Variants in MAEA observed in about 807,000 individuals in gnomAD.
MAEA encodes the protein macrophage erythroblast attacher, E3 ubiquitin ligase.
In MAEA, 22 loss-of-function variants were observed where a neutral mutation model predicts 46.2. That is an observed-to-expected ratio of 0.48 (90% CI 0.34 to 0.68). The LOEUF (loss-of-function observed/expected upper bound fraction) is 0.68, where lower values mean the gene tolerates loss of function less well. MAEA is among the 30% of genes least tolerant of loss of function. MAEA has a pLI of 0.01. For missense variants in MAEA, 393 were observed against 558.1 expected (o/e 0.70, Z 2.98); for synonymous variants, 246 against 222.6 (o/e 1.11, Z -0.94).
chr4:1,314,172 AC>A lies in MAEA; in HGVS notation c.253-1224del, dbSNP rs201069748. On this transcript the variant is annotated intron_variant, in intron 2 of 8. Coordinates refer to ENST00000303400, the MANE Select transcript of MAEA (RefSeq NM_001017405.3). The stretch of plus-strand genomic sequence containing the variant: ...GCGAAACCCCGTCTCTATTAAAAAT[AC>A]AAAAAAATTAGCCGGGCATGGTGTA... Among the ~76,000 whole-genome samples the A allele has an allele frequency of 6.0e-3, 908 of 151,954 alleles. 10 individuals carry two copies. The highest frequency in any genetic ancestry group is 0.021 in the African/African-American group (871 of 41,408).
chr4:1,311,851 G>C lies in MAEA; in HGVS notation c.70-128G>C. 1.3e-6 allele frequency: 1 copy of C among 791,768 alleles called. No individual in the cohort carries two copies. Among genetic ancestry groups the C allele is most frequent in the East Asian group, 2.7e-5 (1 of 37,536 alleles). The allele number at this position is 791,768 out of a possible 1,614,324, so 49.0% of individuals were successfully genotyped here. ...GTTGAGGTTTAGAGTAGATACTTTT[G>C]AGACCATGAACCTTCTGAGACTTCT... is the stretch of plus-strand genomic sequence containing the variant. On this transcript the variant is annotated intron_variant, in intron 1 of 8. Coordinates refer to ENST00000303400, the MANE Select transcript of MAEA (RefSeq NM_001017405.3). The surrounding 1 kb of genome is among the most constrained non-coding windows in gnomAD (Gnocchi z 4.4).
In MAEA at chr4:1,297,851, C is replaced by T. The variant is rs1031408336; in HGVS notation, c.69+7869C>T. Reference sequence around the variant, plus strand: ...GTATGTCTTGGTCTCATGGCCTGTGCTCTCATCTGGCTGTGGTCAGCCTCT... The same window carrying T: ...GTATGTCTTGGTCTCATGGCCTGTGTTCTCATCTGGCTGTGGTCAGCCTCT... On this transcript the variant is annotated intron_variant, in intron 1 of 8. Transcript: ENST00000303400. 21 of 386,938 alleles carry T rather than the reference C, an allele frequency of 5.4e-5. 1 individual carries two copies. Among genetic ancestry groups the T allele is most frequent in the South Asian group, 3.3e-4 (18 of 54,030 alleles). The allele number at this position is 386,938 out of a possible 1,614,324, so 24.0% of individuals were successfully genotyped here.
At chr4:1,328,398 T>G (rs1448580152) in intron 5 of MAEA, among the ~76,000 whole-genome samples, 1 of 152,194 alleles carries the variant, frequency 6.6e-6, no homozygotes, top group African/African-American at 2.4e-5. Flanking sequence ...TGTCGGCCAG[T>G]TCATGCTCAC....
chr4:1,316,003 G>A (rs1211825044), intron 3 of MAEA, among the ~76,000 whole-genome samples: 1 of 150,666 alleles, frequency 6.6e-6, no homozygotes, highest in Non-Finnish European at 1.5e-5. Flanking sequence ...GCCTTCTGAA[G>A]GCAGGAAGTC....
At chr4:1,300,046 T>C (rs539327367) in intron 1 of MAEA, 2 of 152,258 alleles carry the variant, frequency 1.3e-5, no homozygotes, top group South Asian at 2.1e-4. Flanking sequence ...AATGTAACCA[T>C]TGAGAAAGTC....
At chr4:1,328,774 G>T in intron 5 of MAEA, 1 of 1,134,440 alleles carries the variant, frequency 8.8e-7, no homozygotes. Flanking sequence ...GAGAGGCCCG[G>T]GGTCCTGCTC....
Position 1,301,341 on chromosome 4 carries a change from C to T in MAEA, c.70-10638C>T, listed in dbSNP as rs1023199176. ...TGCTTGCCACATTCTGTTTCAGTGA[C>T]GAAATCAGGGAGGATTACTGCTGTG... On this transcript the variant is annotated intron_variant, in intron 1 of 8. Coordinates refer to ENST00000303400, the MANE Select transcript of MAEA (RefSeq NM_001017405.3). 8.5e-5 allele frequency among the ~76,000 whole-genome samples: 13 copies of T among 152,108 alleles called. No individual in the cohort carries two copies. The East Asian group carries it at 1.2e-3, about 14-fold the overall frequency.
chr4:1,304,056 C>T (rs1560335931), intron 1 of MAEA, among the ~76,000 whole-genome samples: 1 of 151,972 alleles, frequency 6.6e-6, no homozygotes, highest in Non-Finnish European at 1.5e-5. Context: ...AGGGTGAGGC[C>T]CAGGTTCTGT....
intron 5 of MAEA, chr4:1,330,120 G>T (rs989814675): frequency 1.0e-6 from 1 of 985,460 alleles, no homozygotes; most frequent in African/African-American, 1.7e-5. Context: ...AAATGCAAAA[G>T]TATGAGCTGC....
At chr4:1,329,276 C>T (rs1011992303) in intron 5 of MAEA, 10 of 982,974 alleles carry the variant, frequency 1.0e-5, no homozygotes, top group South Asian at 4.7e-5. Flanking sequence ...GTGTTCCCCC[C>T]GCTCCGCGTA....
chr4:1,329,282 G>A (rs6845586), intron 5 of MAEA: 129,221 of 985,716 alleles, frequency 0.13, 9,508 homozygotes, highest in African/African-American at 0.29. Context: ...CCCCCGCTCC[G>A]CGTAGGGTCT....
chr4:1,310,166 G>T (rs1736310338), intron 1 of MAEA, among the ~76,000 whole-genome samples: 2 of 149,848 alleles, frequency 1.3e-5, no homozygotes, highest in South Asian at 4.1e-4. Context: ...CTCGTGGCAG[G>T]ACACACTCAG....
At chr4:1,296,365 GC>G (rs1313130627) in intron 1 of MAEA, among the ~76,000 whole-genome samples, 1 of 75,566 alleles carries the variant, frequency 1.3e-5, no homozygotes, top group Non-Finnish European at 2.4e-5. Context: ...CCGCACCTGT[GC>G]CCCCCTCACC....
intron 1 of MAEA, among the ~76,000 whole-genome samples, chr4:1,306,033 C>A (rs1735796284): frequency 6.6e-6 from 1 of 152,202 alleles, no homozygotes; most frequent in Non-Finnish European, 1.5e-5. Context: ...CCCAGCCTTG[C>A]CTTTCCCTTC....
chr4:1,311,663 C>T lies in MAEA; in HGVS notation c.70-316C>T, dbSNP rs534305538. On this transcript the variant is annotated intron_variant, in intron 1 of 8. Transcript: ENST00000303400. The surrounding 1 kb of genome is among the most constrained non-coding windows in gnomAD (Gnocchi z 4.4). The stretch of plus-strand genomic sequence containing the variant: ...GTCTGATAGCCTCACACCCCGGTCA[C>T]TCCTCTCCTGTTTGGAAATTTCTTT... 3.3e-5 allele frequency among the ~76,000 whole-genome samples: 5 copies of T among 152,262 alleles called. No homozygotes were observed. The highest frequency in any genetic ancestry group is 5.9e-5 in the Non-Finnish European group (4 of 68,026).
intron 2 of MAEA, among the ~76,000 whole-genome samples, chr4:1,313,909 C>T (rs1010282526): frequency 1.3e-5 from 2 of 150,948 alleles, no homozygotes; most frequent in African/African-American, 2.4e-5. Flanking sequence ...TGACACACAC[C>T]TGTAGTCTCA....
At chr4:1,295,944 CA>C (rs1734643323) in intron 1 of MAEA, among the ~76,000 whole-genome samples, 1 of 134,020 alleles carries the variant, frequency 7.5e-6, no homozygotes, top group Admixed American at 7.4e-5. Flanking sequence ...ACACCTGTGC[CA>C]CCCTCGCCCG....
intron 1 of MAEA, among the ~76,000 whole-genome samples, chr4:1,293,498 A>G (rs57461362): frequency 0.062 from 9,435 of 152,308 alleles, 926 homozygotes; most frequent in African/African-American, 0.21. Context: ...TTCCCTTCAG[A>G]TAGCCGAAGA....
chr4:1,333,338 C>T (rs1712097854), intron 6 of MAEA, among the ~76,000 whole-genome samples: 1 of 150,062 alleles, frequency 6.7e-6, no homozygotes, highest in South Asian at 2.1e-4. Flanking sequence ...AGGACCTTGT[C>T]TCCAAAAAAA....
Sources: allele counts gnomAD v4.1 joint callset (sites outside exome capture counted in the v4.1 genomes callset), GRCh38; gene constraint gnomAD v4.1.1; non-coding constraint Gnocchi (gnomAD v3.1); transcripts MANE v1.5; gene names NCBI Gene and HGNC (gene_info 2026-07-23, HGNC 2026-07-21).